The following CPNE6 variants were observed in gnomAD, a reference collection of about 807,000 sequenced individuals.
CPNE6 encodes copine-6.
In CPNE6, 33 loss-of-function variants were observed where a neutral mutation model predicts 71.5. That is an observed-to-expected ratio of 0.46 (90% CI 0.35 to 0.62). CPNE6 has a LOEUF of 0.62. Ranked by LOEUF, CPNE6 falls within the 20% of genes least tolerant of loss-of-function variation. The probability of loss-of-function intolerance (pLI) is 0.00; values close to 1 mark genes in which losing one functional copy is unlikely to be tolerated. For synonymous variants in CPNE6, 296 were observed against 293.0 expected, an observed-to-expected ratio of 1.01 and a Z score of -0.10; for missense variants, 576 against 747.3, an observed-to-expected ratio of 0.77 and a Z score of 2.67.
At position 24,075,616 on chromosome 14, in the gene CPNE6, C is replaced by G. The variant is rs1292576182; in HGVS notation, c.864+25C>G. Reference sequence around the variant, plus strand: ...GGTAAATTTCACTTCCTGCTTCAAGCCTTGCCCCAGCCCCTGCCCCTACCA... The same window carrying G: ...GGTAAATTTCACTTCCTGCTTCAAGGCTTGCCCCAGCCCCTGCCCCTACCA... On this transcript the variant is annotated intron_variant, in intron 10 of 17. Coordinates refer to ENST00000397016, the Ensembl canonical transcript of CPNE6. This position sits in a 1 kb window ranked among gnomAD's most constrained non-coding sequence, Gnocchi z 4.3. 1 of 1,579,700 alleles carries G rather than the reference C, an allele frequency of 6.3e-7. No individual in the cohort carries two copies. The highest frequency in any genetic ancestry group is 8.6e-7 in the Non-Finnish European group (1 of 1,156,106).
chr14:24,075,407 G>A lies in CPNE6; in HGVS notation c.778-98G>A, dbSNP rs989759125. 1.6e-5 allele frequency: 23 copies of A among 1,406,648 alleles called. No homozygotes were observed. The highest frequency in any genetic ancestry group is 1.8e-4 in the Middle Eastern group (1 of 5,656). The allele number at this position is 1,406,648 out of a possible 1,614,324, so 87.1% of individuals were successfully genotyped here. A position where few individuals can be genotyped will look rare whatever the true frequency, so the allele number is the denominator to read the frequency against. On this transcript the variant is annotated intron_variant, in intron 9 of 17. Coordinates refer to ENST00000397016, the Ensembl canonical transcript of CPNE6. This position sits in a 1 kb window ranked among gnomAD's most constrained non-coding sequence, Gnocchi z 4.3. ...AAGCACCTGGGCTCAGCTGAAGGAC[G>A]GAACCATGGGGGTCTTGCTCTGGGA...
At position 24,077,080 on chromosome 14, in the gene CPNE6, T is replaced by C. The variant is rs1594235440; in HGVS notation, c.1299+68T>C. 18 of 1,597,840 alleles carry C rather than the reference T, an allele frequency of 1.1e-5. No homozygotes were observed. Among genetic ancestry groups the C allele is most frequent in the Non-Finnish European group, 1.5e-5 (18 of 1,175,788 alleles). On this transcript the variant is annotated intron_variant, in intron 15 of 17. Coordinates refer to ENST00000397016, the Ensembl canonical transcript of CPNE6. The surrounding 1 kb of genome is among the most constrained non-coding windows in gnomAD (Gnocchi z 6.1). ...TTTAAGTGGTGCCAGGGCCAGGGTC[T>C]GCACCTTGGTGGAAACGGTGTCAAC...
chr14:24,076,356 C>T lies in CPNE6; in HGVS notation c.1059-4C>T, dbSNP rs748340605. 4.3e-6 allele frequency: 7 copies of T among 1,614,212 alleles called. No homozygotes were observed. The highest frequency in any genetic ancestry group is 5.1e-6 in the Non-Finnish European group (6 of 1,180,030). On this transcript the variant is annotated splice_region_variant and splice_polypyrimidine_tract_variant and intron_variant, in intron 12 of 17. Coordinates refer to ENST00000397016, the Ensembl canonical transcript of CPNE6. Reference sequence around the variant, plus strand: ...CGGATTCCACAGCTTTTTCTTCTCCCCAGTGATAAGCGGTTCCCAGCTTTT... The same window carrying T: ...CGGATTCCACAGCTTTTTCTTCTCCTCAGTGATAAGCGGTTCCCAGCTTTT...
In CPNE6 at chr14:24,077,347, C is replaced by T. The variant is rs372725551; in HGVS notation, c.1493C>T (p.Ala498Val). Residue 498 changes from alanine to valine, a missense_variant, in exon 16 of 18, where the codon GCC becomes GTC. By Grantham distance (64) the Ala-to-Val change is moderately conservative. Around this residue, in one of 4 missense-constraint regions of CPNE6, gnomAD observed 264 missense variants for 339.9 expected, o/e 0.78. Transcript: ENST00000397016. This position sits in a 1 kb window ranked among gnomAD's most constrained non-coding sequence, Gnocchi z 6.1. ...CGCTGCCCCCGAGGGGTGCCTGCAG[C>T]CCGAGACATTGTCCAGTTCGTGCCC... 1 of 1,613,868 alleles carries T rather than the reference C, an allele frequency of 6.2e-7. No homozygotes were observed. Among genetic ancestry groups the T allele is most frequent in the African/African-American group, 1.3e-5 (1 of 74,904 alleles).
In CPNE6 at chr14:24,077,114, A is replaced by T. The variant is rs1011147179; in HGVS notation, c.1300-40A>T. ...GTGGAAACGGTGTCAACGCCCTTGC[A>T]CACAAAGCCAACCCTTCCACCCTCT... is the stretch of plus-strand genomic sequence containing the variant. On this transcript the variant is annotated intron_variant, in intron 15 of 17. Coordinates refer to ENST00000397016, the Ensembl canonical transcript of CPNE6. The surrounding 1 kb of genome is among the most constrained non-coding windows in gnomAD (Gnocchi z 6.1). 1 of 1,594,598 alleles carries T rather than the reference A, an allele frequency of 6.3e-7. No individual in the cohort carries two copies. The highest frequency in any genetic ancestry group is 8.5e-7 in the Non-Finnish European group (1 of 1,174,626).
Position 24,077,937 on chromosome 14 carries a change from G to C in CPNE6, c.*87G>C. 2.0e-6 allele frequency: 1 copy of C among 492,028 alleles called. No homozygotes were observed. Among genetic ancestry groups the C allele is most frequent in the Non-Finnish European group, 3.5e-6 (1 of 289,668 alleles). 30.5% of individuals were successfully genotyped at this position (492,028 alleles called of 1,614,324 possible). A position where few individuals can be genotyped will look rare whatever the true frequency, so the allele number is the denominator to read the frequency against. On this transcript the variant is annotated 3_prime_UTR_variant, in exon 18 of 18. Transcript: ENST00000397016. The surrounding 1 kb of genome is among the most constrained non-coding windows in gnomAD (Gnocchi z 6.1). The stretch of plus-strand genomic sequence containing the variant: ...CCAGTGACCAATGCCTCCACCTCTT[G>C]GACCAGGTGTGCCCCCTGGGTTCTG...
chr14:24,073,020 C>T lies in CPNE6; in HGVS notation c.84C>T (p.Cys28=). The change falls in exon 3 of 18, where the codon TGC becomes TGT. Residue 28 remains cysteine (C), a synonymous_variant. Coordinates refer to ENST00000397016, the Ensembl canonical transcript of CPNE6. This position sits in a 1 kb window ranked among gnomAD's most constrained non-coding sequence, Gnocchi z 5.5. ...CTCGGGTGGAGCTGCGGGTGTCCTG[C>T]CATGGCCTCCTGGACCGGGACACAC... The T allele has an allele frequency of 1.3e-6, 2 of 1,578,958 alleles. No individual in the cohort carries two copies. The highest frequency in any genetic ancestry group is 2.4e-5 in the East Asian group (1 of 41,992).
intron 2 of CPNE6, chr14:24,071,896 C>G (rs1340075354): frequency 1.4e-5 from 6 of 429,776 alleles, no homozygotes; most frequent in African/African-American, 1.2e-4. Context: ...AGATACCCAG[C>G]CAGAGAAAGG....
Position 24,077,109 on chromosome 14 carries a change from C to G in CPNE6, c.1300-45C>G. On this transcript the variant is annotated intron_variant, in intron 15 of 17. Transcript: ENST00000397016. The surrounding 1 kb of genome is among the most constrained non-coding windows in gnomAD (Gnocchi z 6.1). ...CCTTGGTGGAAACGGTGTCAACGCCCTTGCACACAAAGCCAACCCTTCCAC... is the reference window on the plus strand; with the variant it reads ...CCTTGGTGGAAACGGTGTCAACGCCGTTGCACACAAAGCCAACCCTTCCAC... 2 of 1,594,678 alleles carry G rather than the reference C, an allele frequency of 1.3e-6. No homozygotes were observed. Among genetic ancestry groups the G allele is most frequent in the African/African-American group, 1.3e-5 (1 of 74,936 alleles).
In CPNE6 at chr14:24,075,062, G is replaced by A. The variant is rs983600491; in HGVS notation, c.673-110G>A. ...GGCTGAGGATGTCTGTTTGGGCATG[G>A]AGACTCTAAGGCCCAAGTCCCCCTA... On this transcript the variant is annotated intron_variant, in intron 8 of 17. Transcript: ENST00000397016. This position sits in a 1 kb window ranked among gnomAD's most constrained non-coding sequence, Gnocchi z 4.3. 1 of 841,626 alleles carries A rather than the reference G, an allele frequency of 1.2e-6. No homozygotes were observed. The highest frequency in any genetic ancestry group is 2.0e-6 in the Non-Finnish European group (1 of 491,006). The allele number at this position is 841,626 out of a possible 1,614,324, so 52.1% of individuals were successfully genotyped here.
At position 24,076,859 on chromosome 14, in the gene CPNE6, C is replaced by A. The variant is rs1209568455; in HGVS notation, c.1166-20C>A. 1.2e-6 allele frequency: 2 copies of A among 1,611,434 alleles called. No individual in the cohort carries two copies. The highest frequency in any genetic ancestry group is 1.7e-6 in the Non-Finnish European group (2 of 1,180,028). ...GCCCTGCTCATTTCTGCCAGCTTCACAACTTCTCTTCACTCACAGAGATCT... is the reference window on the plus strand; with the variant it reads ...GCCCTGCTCATTTCTGCCAGCTTCAAAACTTCTCTTCACTCACAGAGATCT... On this transcript the variant is annotated intron_variant, in intron 14 of 17. Coordinates refer to ENST00000397016, the Ensembl canonical transcript of CPNE6.
chr14:24,074,648 G>C lies in CPNE6; in HGVS notation c.582+34G>C, dbSNP rs1258889475. The C allele has an allele frequency of 1.9e-6, 3 of 1,613,600 alleles. No individual in the cohort carries two copies. The Admixed American group carries it at 5.0e-5, about 27-fold the overall frequency. On this transcript the variant is annotated intron_variant, in intron 7 of 17. Transcript: ENST00000397016. This position sits in a 1 kb window ranked among gnomAD's most constrained non-coding sequence, Gnocchi z 4.5. ...CTGGGGCTATGGGGATGAAGGGAGG[G>C]AGAGTAAAGTAAGAAGACACAGACA...
chr14:24,072,991 G>A (rs1025189311), exon 3 of CPNE6: 2 of 1,586,450 alleles, frequency 1.3e-6, no homozygotes, highest in South Asian at 1.1e-5. Context: ...GACGCTGGGG[G>A]CCTCTCGGGT....
At chr14:24,071,883 G>C in intron 2 of CPNE6, 2 of 459,306 alleles carry the variant, frequency 4.4e-6, no homozygotes, top group South Asian at 8.5e-5. Context: ...ACTGTGGGGA[G>C]GTAGATACCC....
intron 14 of CPNE6, 69 bp from the exon 14 acceptor site, chr14:24,076,810 T>G: frequency 2.5e-6 from 4 of 1,604,048 alleles, no homozygotes; most frequent in Non-Finnish European, 3.4e-6. Context: ...AGCATTTCCT[T>G]GCTTTAAGGA....
rs17851598 is a variant in CPNE6 at position 24,073,589 on chromosome 14, C to G, written c.259C>G (p.Leu87Val). ...GTATTTTTTTGAGGAGAAGCAGCCC[C>G]TGCAGTTCCACGTGTTCGATGCCGA... The change falls in exon 4 of 18, where the codon CTG becomes GTG. Residue 87 changes from leucine to valine, a missense_variant. Physicochemically the swap from Leu to Val is conservative, Grantham distance 32. Around this residue, in one of 4 missense-constraint regions of CPNE6, gnomAD observed 214 missense variants for 291.2 expected, o/e 0.73. Coordinates refer to ENST00000397016, the Ensembl canonical transcript of CPNE6. This position sits in a 1 kb window ranked among gnomAD's most constrained non-coding sequence, Gnocchi z 5.5. The G allele has an allele frequency of 6.2e-7, 1 of 1,614,060 alleles. No homozygotes were observed. Among genetic ancestry groups the G allele is most frequent in the East Asian group, 2.2e-5 (1 of 44,882 alleles).
At chr14:24,071,501 GCCC>G in intron 1 of CPNE6, 58 bp from the exon 1 acceptor site, 1 of 1,416,498 alleles carries the variant, frequency 7.1e-7, no homozygotes, top group Non-Finnish European at 9.3e-7. Flanking sequence ...CTGGTGCTGC[GCCC>G]CCCCCCACCC....
exon 18 of CPNE6, chr14:24,078,007 C>T (rs983355128): frequency 2.9e-6 from 1 of 347,950 alleles, no homozygotes; most frequent in Non-Finnish European, 5.2e-6. Context: ...AACCCCATAC[C>T]CTTCAATGCT....
In CPNE6 at chr14:24,077,632, G is replaced by A; in HGVS notation, c.1576G>A (p.Val526Met). Residue 526 changes from valine to methionine, a missense_variant, in exon 17 of 18, where the codon GTG (valine) becomes ATG (methionine). Coordinates refer to ENST00000397016, the Ensembl canonical transcript of CPNE6. The surrounding 1 kb of genome is among the most constrained non-coding windows in gnomAD (Gnocchi z 6.1). The stretch of plus-strand genomic sequence containing the variant: ...ACTCGCCAAGTGTGTCCTGGCTGAG[G>A]TGCCACGGCAGGTGGTGGAGTACTA... The A allele has an allele frequency of 6.3e-7, 1 of 1,596,402 alleles. No individual in the cohort carries two copies. Among genetic ancestry groups the A allele is most frequent in the Non-Finnish European group, 8.5e-7 (1 of 1,170,842 alleles).
Sources: gnomAD v4.1 joint callset for allele counts on GRCh38, gnomAD v4.1.1 for gene constraint, gnomAD v4.1.1 regional missense constraint, Gnocchi (gnomAD v3.1) non-coding constraint, MANE v1.5 for transcripts, NCBI Gene and HGNC (gene_info 2026-07-23, HGNC 2026-07-21) for gene names.